Variants in FAM110B observed in about 807,000 individuals in gnomAD.
The protein encoded by FAM110B is family with sequence similarity 110 member B.
A neutral mutation model predicts 20.4 loss-of-function variants in FAM110B; 6 were observed. That is an observed-to-expected ratio of 0.29 (90% CI 0.16 to 0.58). The LOEUF (loss-of-function observed/expected upper bound fraction) is 0.58, where lower values mean the gene tolerates loss of function less well. FAM110B is among the 20% of genes least tolerant of loss of function. FAM110B has a pLI of 0.90. For missense variants in FAM110B, 434 were observed against 498.2 expected, an observed-to-expected ratio of 0.87 and a Z score of 1.23; for synonymous variants, 226 against 214.1, an observed-to-expected ratio of 1.06 and a Z score of -0.49.
At chr8:58,042,401 CT>C (rs1265012126) in intron 2 of FAM110B, among the ~76,000 whole-genome samples, 2 of 152,190 alleles carry the variant, frequency 1.3e-5, no homozygotes, top group Non-Finnish European at 2.9e-5. Context: ...ACCCATTTGT[CT>C]TTTGGCTGCT....
intron 3 of FAM110B, among the ~76,000 whole-genome samples, chr8:58,114,246 G>A (rs1407785114): frequency 6.6e-6 from 1 of 152,202 alleles, no homozygotes; most frequent in Non-Finnish European, 1.5e-5. Context: ...GGTCTGGTCT[G>A]AGAGGGTTAC....
intron 2 of FAM110B, among the ~76,000 whole-genome samples, chr8:58,044,382 G>A (rs1805281460): frequency 6.6e-6 from 1 of 152,118 alleles, no homozygotes; most frequent in Non-Finnish European, 1.5e-5. Context: ...TATATCTCTG[G>A]TAATAGTTCA....
Position 58,081,307 on chromosome 8 carries a change from T to C in FAM110B, c.-325+5684T>C, listed in dbSNP as rs188862781. ...CTCCAACCTCTGCATCCCAGTTTCA[T>C]GCGATTCTCCTGCCTCAGCCTCCCA... On this transcript the variant is annotated intron_variant, in intron 3 of 3. Coordinates refer to ENST00000519262, the MANE Select transcript of FAM110B (RefSeq NM_001377989.1). Among the ~76,000 whole-genome samples, 833 of 152,262 alleles carry C rather than the reference T, an allele frequency of 5.5e-3. 12 individuals carry two copies. Among genetic ancestry groups the C allele is most frequent in the African/African-American group, 0.019 (796 of 41,548 alleles).
chr8:58,130,432 A>G (rs538285002), intron 3 of FAM110B, among the ~76,000 whole-genome samples: 1 of 152,338 alleles, frequency 6.6e-6, no homozygotes, highest in South Asian at 2.1e-4. Context: ...GAGGGGACTC[A>G]CATGTTCTGA....
intron 1 of FAM110B, among the ~76,000 whole-genome samples, chr8:58,030,453 T>A (rs1363585728): frequency 6.6e-6 from 1 of 152,160 alleles, no homozygotes; most frequent in African/African-American, 2.4e-5. Flanking sequence ...CGATAGAAAA[T>A]CTAGGTCAGG....
intron 3 of FAM110B, among the ~76,000 whole-genome samples, chr8:58,103,159 ATTTCTTTC>A (rs1012752943): frequency 6.7e-6 from 1 of 149,830 alleles, no homozygotes; most frequent in Admixed American, 6.6e-5. Context: ...AAGGGCATGT[ATTTCTTTC>A]TTTCTTTCTT....
intron 3 of FAM110B, among the ~76,000 whole-genome samples, chr8:58,088,922 G>A (rs976810671): frequency 6.6e-6 from 1 of 152,254 alleles, no homozygotes; most frequent in Non-Finnish European, 1.5e-5. Flanking sequence ...ATATTCTCAT[G>A]TATATAAATA....
chr8:58,072,440 A>G (rs1354545115), intron 2 of FAM110B, among the ~76,000 whole-genome samples: 2 of 152,250 alleles, frequency 1.3e-5, no homozygotes, highest in Non-Finnish European at 2.9e-5. Context: ...AGGGACTTTT[A>G]ACATACACCA....
At chr8:58,061,416 TA>T (rs201697346) in intron 2 of FAM110B, among the ~76,000 whole-genome samples, 2 of 151,670 alleles carry the variant, frequency 1.3e-5, no homozygotes, top group African/African-American at 4.9e-5. Flanking sequence ...GACTTTATGA[TA>T]AAAAACATTC....
At chr8:58,006,901 G>GTATATATATATATATA (rs761091750) in intron 1 of FAM110B, among the ~76,000 whole-genome samples, 1,237 of 97,348 alleles carry the variant, frequency 0.013, 49 homozygotes, top group East Asian at 0.041. Context: ...GGCTTAATTG[G>GTATATATATATATATA]TATATATATA....
chr8:58,086,550 G>T lies in FAM110B; in HGVS notation c.-325+10927G>T, dbSNP rs550819526. Among the ~76,000 whole-genome samples the T allele has an allele frequency of 1.3e-3, 198 of 152,268 alleles. 2 individuals carry two copies. Among genetic ancestry groups the T allele is most frequent in the African/African-American group, 4.6e-3 (191 of 41,550 alleles). Reference sequence around the variant, plus strand: ...CTGGCTTTGAAGTGCTACCTGAAGTGTTCTTAAGTCTCATACTGAGAAGTC... The same window carrying T: ...CTGGCTTTGAAGTGCTACCTGAAGTTTTCTTAAGTCTCATACTGAGAAGTC... On this transcript the variant is annotated intron_variant, in intron 3 of 3. Coordinates refer to ENST00000519262, the MANE Select transcript of FAM110B (RefSeq NM_001377989.1).
chr8:58,092,161 T>A (rs1806496818), intron 3 of FAM110B, among the ~76,000 whole-genome samples: 2 of 152,178 alleles, frequency 1.3e-5, no homozygotes, highest in Non-Finnish European at 2.9e-5. Flanking sequence ...GGAAAATAAT[T>A]TTATTTATTC....
intron 1 of FAM110B, among the ~76,000 whole-genome samples, chr8:57,999,046 T>C (rs1050915900): frequency 1.3e-5 from 2 of 152,146 alleles, no homozygotes; most frequent in African/African-American, 4.8e-5. Context: ...CCTTGTTTTT[T>C]GTTGTTGTTG....
chr8:58,121,917 G>A (rs1807370408), intron 3 of FAM110B, among the ~76,000 whole-genome samples: 1 of 152,144 alleles, frequency 6.6e-6, no homozygotes, highest in Non-Finnish European at 1.5e-5. Flanking sequence ...ACCGCCTTTG[G>A]CTGCCCTTCT....
chr8:58,049,621 A>G (rs1306380263), intron 2 of FAM110B, among the ~76,000 whole-genome samples: 1 of 152,158 alleles, frequency 6.6e-6, no homozygotes, highest in Admixed American at 6.5e-5. Context: ...ACTGAATCTT[A>G]AAGACCACAC....
chr8:58,038,704 A>C (rs1465212242), intron 2 of FAM110B, among the ~76,000 whole-genome samples: 1 of 151,890 alleles, frequency 6.6e-6, no homozygotes, highest in African/African-American at 2.4e-5. Context: ...GTGAGCCAAA[A>C]TCGCATCACT....
intron 3 of FAM110B, among the ~76,000 whole-genome samples, chr8:58,082,226 A>G (rs56288562): frequency 0.028 from 4,285 of 152,346 alleles, 90 homozygotes; most frequent in South Asian, 0.083. Context: ...ATTTTCATCA[A>G]CAACACAGAA....
At chr8:58,063,679 A>G (rs978721164) in intron 2 of FAM110B, among the ~76,000 whole-genome samples, 1 of 152,202 alleles carries the variant, frequency 6.6e-6, no homozygotes, top group African/African-American at 2.4e-5. Context: ...ACCTGTATAC[A>G]TTGATTTATA....
rs111805160 is a variant in FAM110B at position 58,074,957 on chromosome 8, A to G, written c.-413-578A>G. Among the ~76,000 whole-genome samples the G allele has an allele frequency of 8.5e-3, 1,300 of 152,322 alleles. 24 individuals are homozygous for G. Among genetic ancestry groups the G allele is most frequent in the African/African-American group, 0.03 (1,232 of 41,572 alleles). ...CTTGATACTATATTCTTCTTTCTGC[A>G]TAATTGCTATCCATGGTTAAATGTC... On this transcript the variant is annotated intron_variant, in intron 2 of 3. Coordinates refer to ENST00000519262, the MANE Select transcript of FAM110B (RefSeq NM_001377989.1).
Sources: gnomAD v4.1 joint callset for allele counts (sites outside exome capture counted in the v4.1 genomes callset) on GRCh38, gnomAD v4.1.1 for gene constraint, MANE v1.5 for transcripts, NCBI Gene and HGNC (gene_info 2026-07-23, HGNC 2026-07-21) for gene names.